The following TECPR2 variants were observed in gnomAD, a reference collection of about 807,000 sequenced individuals.
TECPR2 encodes the protein tectonin beta-propeller repeat containing 2.
Under a neutral mutation model 138.1 loss-of-function variants are expected in TECPR2, and 65 were observed. The observed-to-expected ratio is 0.47, with a 90% CI of 0.39 to 0.58. The LOEUF is 0.58. Among genes scored for constraint, TECPR2 ranks in the 20% least tolerant of loss-of-function variants. TECPR2 has a pLI of 0.00. For synonymous variants in TECPR2, 746 were observed against 749.8 expected (o/e 0.99, Z 0.08); for missense variants, 1,553 against 1,824.5 (o/e 0.85, Z 2.71).
intron 2 of TECPR2, among the ~76,000 whole-genome samples, chr14:102,389,548 A>G (rs1888109118): frequency 6.6e-6 from 1 of 152,222 alleles, no homozygotes; most frequent in African/African-American, 2.4e-5. Flanking sequence ...CAACATGTAT[A>G]TGGATACTTG....
At chr14:102,383,660 G>A (rs577032152) in intron 2 of TECPR2, among the ~76,000 whole-genome samples, 5 of 151,956 alleles carry the variant, frequency 3.3e-5, no homozygotes, top group Admixed American at 6.6e-5. Flanking sequence ...CACTTGCCTC[G>A]GCCTCCTAAA....
intron 3 of TECPR2, 67 bp from the exon 4 acceptor site, chr14:102,408,421 A>G: frequency 6.6e-7 from 1 of 1,519,190 alleles, no homozygotes; most frequent in South Asian, 1.3e-5. Flanking sequence ...TACCTTTTCC[A>G]TGTAGCCCCA....
rs1301265211 is a variant in TECPR2, at chr14:102,433,360, G to A, written c.1418-875G>A. Among the ~76,000 whole-genome samples the A allele has an allele frequency of 2.6e-5, 4 of 151,090 alleles. No homozygotes were observed. In the East Asian group the frequency reaches 5.8e-4, roughly 22 times the overall value. On this transcript the variant is annotated intron_variant, in intron 8 of 19. Transcript: ENST00000359520. ...GTCCTTCCCATGTTTATGTCCATGCGTGCTCAGTGTTTGGCTCCCACTTAC... is the reference window on the plus strand; with the variant it reads ...GTCCTTCCCATGTTTATGTCCATGCATGCTCAGTGTTTGGCTCCCACTTAC...
intron 8 of TECPR2, among the ~76,000 whole-genome samples, chr14:102,432,456 T>G (rs1181725540): frequency 2.0e-5 from 3 of 152,096 alleles, no homozygotes; most frequent in African/African-American, 7.2e-5. Flanking sequence ...GTTTCGCTCG[T>G]CGCCCAGGCT....
In TECPR2 at chr14:102,501,594, AC is replaced by A. The variant is rs1855799294; in HGVS notation, c.*3339del. 6.6e-6 allele frequency: 1 copy of A among 152,116 alleles called. No homozygotes were observed. Among genetic ancestry groups the A allele is most frequent in the South Asian group, 2.1e-4 (1 of 4,830 alleles). The allele number at this position is 152,116 out of a possible 1,614,324, so 9.4% of individuals were successfully genotyped here. ...AATGTAAAAATGCTGCAAATTAAAA[AC>A]CTCAAAGAAGGGAAATAATTGCAAC... On this transcript the variant is annotated 3_prime_UTR_variant, in exon 20 of 20. Coordinates refer to ENST00000359520, the MANE Select transcript of TECPR2 (RefSeq NM_014844.5).
intron 5 of TECPR2, among the ~76,000 whole-genome samples, chr14:102,423,898 G>A (rs1889247360): frequency 6.6e-6 from 1 of 152,202 alleles, no homozygotes; most frequent in Non-Finnish European, 1.5e-5. Context: ...GATGTGGACT[G>A]AGCACAGCAA....
At chr14:102,387,588 G>C (rs937158902) in intron 2 of TECPR2, among the ~76,000 whole-genome samples, 1 of 151,000 alleles carries the variant, frequency 6.6e-6, no homozygotes, top group African/African-American at 2.4e-5. Flanking sequence ...GTGCAGCGGC[G>C]CCATCTCGGC....
intron 17 of TECPR2, among the ~76,000 whole-genome samples, chr14:102,490,953 G>C (rs1306165466): frequency 6.6e-6 from 1 of 152,160 alleles, no homozygotes; most frequent in East Asian, 1.9e-4. Flanking sequence ...GGAGTGCAAT[G>C]TCACGATCTC....
chr14:102,439,590 T>C (rs764977567), intron 10 of TECPR2, among the ~76,000 whole-genome samples: 1 of 152,266 alleles, frequency 6.6e-6, no homozygotes, highest in African/African-American at 2.4e-5. Flanking sequence ...CTATATTAGT[T>C]ACTTGTATTC....
At chr14:102,397,879 C>A (rs1261010960) in intron 2 of TECPR2, among the ~76,000 whole-genome samples, 1 of 151,810 alleles carries the variant, frequency 6.6e-6, no homozygotes, top group Admixed American at 6.6e-5. Flanking sequence ...ACCAGCCTGG[C>A]CAACATGTTG....
chr14:102,392,071 C>T, intron 2 of TECPR2, among the ~76,000 whole-genome samples: 1 of 152,156 alleles, frequency 6.6e-6, no homozygotes, highest in East Asian at 1.9e-4. Context: ...TCACCGCAAC[C>T]TCTGCCTCCC....
intron 11 of TECPR2, among the ~76,000 whole-genome samples, chr14:102,440,965 T>C (rs1889812739): frequency 6.6e-6 from 1 of 152,006 alleles, no homozygotes. Context: ...TTTCCCCCTT[T>C]AAGCTAAAGT....
At chr14:102,412,716 C>G (rs575575956) in intron 4 of TECPR2, among the ~76,000 whole-genome samples, 7 of 151,988 alleles carry the variant, frequency 4.6e-5, no homozygotes, top group African/African-American at 1.7e-4. Flanking sequence ...TGGCTCAGCT[C>G]ATAGCTGCAA....
chr14:102,489,369 A>G (rs1439764134), intron 17 of TECPR2, among the ~76,000 whole-genome samples: 2 of 151,412 alleles, frequency 1.3e-5, no homozygotes, highest in African/African-American at 4.8e-5. Context: ...CTGTAATCCC[A>G]GTACTTTGGG....
At chr14:102,424,595 A>G (rs1481540761) in intron 5 of TECPR2, among the ~76,000 whole-genome samples, 1 of 152,202 alleles carries the variant, frequency 6.6e-6, no homozygotes, top group Non-Finnish European at 1.5e-5. Flanking sequence ...TGGCCTCCCA[A>G]AGTGCTGAGA....
At chr14:102,490,311 A>C (rs78469777) in intron 17 of TECPR2, among the ~76,000 whole-genome samples, 2,362 of 152,254 alleles carry the variant, frequency 0.016, 68 homozygotes, top group African/African-American at 0.054. Context: ...GACCTAATAG[A>C]AAATCATCCC....
intron 17 of TECPR2, among the ~76,000 whole-genome samples, chr14:102,482,657 G>C (rs566144046): frequency 9.5e-4 from 145 of 152,186 alleles, no homozygotes; most frequent in Non-Finnish European, 1.6e-3. Context: ...CCCAAGGAAG[G>C]GTTCATGGTT....
chr14:102,426,632 G>A (rs561721865), intron 6 of TECPR2, among the ~76,000 whole-genome samples: 2 of 152,302 alleles, frequency 1.3e-5, no homozygotes, highest in South Asian at 2.1e-4. Flanking sequence ...GCCGAGGTAG[G>A]TGGATAACCT....
chr14:102,444,528 A>AT (rs979836216), intron 12 of TECPR2, among the ~76,000 whole-genome samples: 72 of 147,168 alleles, frequency 4.9e-4, no homozygotes, highest in South Asian at 4.1e-3. Flanking sequence ...TTATTAAGCT[A>AT]TTTTTTTTTT....
Sources: allele counts gnomAD v4.1 joint callset (sites outside exome capture counted in the v4.1 genomes callset), GRCh38; gene constraint gnomAD v4.1.1; transcripts MANE v1.5; gene names NCBI Gene and HGNC (gene_info 2026-07-23, HGNC 2026-07-21).